FGF14: variants seen among roughly 807,000 people sequenced by gnomAD.
The protein encoded by FGF14 is fibroblast growth factor 14.
A neutral mutation model predicts 25.5 loss-of-function variants in FGF14; 5 were observed. The ratio of observed to expected loss-of-function variants is 0.20; its 90% confidence interval spans 0.10 to 0.41. The LOEUF (loss-of-function observed/expected upper bound fraction) is 0.41. Ranked by LOEUF, FGF14 falls within the 10% of genes least tolerant of loss-of-function variation. FGF14 has a pLI of 1.00. For synonymous variants in FGF14, 138 were observed against 118.3 expected (o/e 1.17, Z -1.08); for missense variants, 222 against 320.1 (o/e 0.69, Z 2.34).
At chr13:102,161,565 TGAAGAAAGAA>T (rs2047634028) in intron 1 of FGF14, among the ~76,000 whole-genome samples, 2 of 97,926 alleles carry the variant, frequency 2.0e-5, no homozygotes, top group African/African-American at 6.5e-5. Context: ...CAACTTTCTG[TGAAGAAAGAA>T]AGAAGAAGAA....
At chr13:101,934,916 A>T (rs978772030) in intron 1 of FGF14, among the ~76,000 whole-genome samples, 1 of 152,152 alleles carries the variant, frequency 6.6e-6, no homozygotes, top group African/African-American at 2.4e-5. Context: ...TATGAGATGT[A>T]CCCTCTTAAC....
chr13:101,948,356 G>A (rs2035941334), intron 1 of FGF14, among the ~76,000 whole-genome samples: 1 of 152,012 alleles, frequency 6.6e-6, no homozygotes, highest in African/African-American at 2.4e-5. Flanking sequence ...AAAGACAGAA[G>A]AGAAAGAGGG....
At position 102,098,655 on chromosome 13, in the gene FGF14, C is replaced by A. The variant is rs536265202; in HGVS notation, c.209-223359G>T. Among the ~76,000 whole-genome samples, 22 of 152,234 alleles carry A rather than the reference C, an allele frequency of 1.4e-4. No homozygotes were observed. In the South Asian group the frequency reaches 4.2e-3, roughly 29 times the overall value. The stretch of plus-strand genomic sequence containing the variant: ...AAAATGTTATTAGAAATGGCTGAGA[C>A]TAGAGGAGGTCAGAACTGGGATGAA... On this transcript the variant is annotated intron_variant, in intron 1 of 4. Transcript: ENST00000376131.
chr13:102,350,160 G>C lies in FGF14; in HGVS notation c.208+51311C>G, dbSNP rs373507671. 1.2e-4 allele frequency among the ~76,000 whole-genome samples: 19 copies of C among 152,208 alleles called. No individual in the cohort carries two copies. In the East Asian group the frequency reaches 2.1e-3, roughly 17 times the overall value. On this transcript the variant is annotated intron_variant, in intron 1 of 4. Coordinates refer to the FGF14 transcript ENST00000376131. ...AATTTAACCTCAAAAATTCAGCCAG[G>C]AGTTTGACATCAATCTGAGCAACAT...
chr13:102,041,894 T>C (rs1190387757), intron 1 of FGF14, among the ~76,000 whole-genome samples: 1 of 152,174 alleles, frequency 6.6e-6, no homozygotes, highest in East Asian at 1.9e-4. Context: ...AAGTCTCTAA[T>C]TTCCTTCACA....
chr13:102,186,009 G>A (rs1332239589), intron 1 of FGF14, among the ~76,000 whole-genome samples: 2 of 152,076 alleles, frequency 1.3e-5, no homozygotes, highest in Non-Finnish European at 2.9e-5. Context: ...TAATAGATCT[G>A]GTGACCCAGT....
Position 102,052,333 on chromosome 13 carries a change from A to T in FGF14, c.209-177037T>A, listed in dbSNP as rs566699319. Reference sequence around the variant, plus strand: ...GATAAAAAGCTGGAAAGTTTATTTTAAAAAAATAGCAAAAACTTTCCAAAT... The same window carrying T: ...GATAAAAAGCTGGAAAGTTTATTTTTAAAAAATAGCAAAAACTTTCCAAAT... On this transcript the variant is annotated intron_variant, in intron 1 of 4. Transcript: ENST00000376131. Among the ~76,000 whole-genome samples the T allele has an allele frequency of 1.9e-3, 284 of 152,178 alleles. 3 individuals are homozygous for T. The highest frequency in any genetic ancestry group is 6.3e-3 in the African/African-American group (262 of 41,564).
chr13:102,384,934 T>C (rs2058266547), intron 1 of FGF14, among the ~76,000 whole-genome samples: 1 of 152,212 alleles, frequency 6.6e-6, no homozygotes, highest in South Asian at 2.1e-4. Flanking sequence ...CCAGAGATTT[T>C]CACCTTTTGT....
intron 3 of FGF14, among the ~76,000 whole-genome samples, chr13:101,797,782 T>TGTA (rs2040635579): frequency 6.9e-6 from 1 of 145,158 alleles, no homozygotes; most frequent in African/African-American, 2.6e-5. Context: ...TGTGTGTGTG[T>TGTA]TCAACCTCAG....
intron 1 of FGF14, among the ~76,000 whole-genome samples, chr13:102,358,616 C>A (rs931752563): frequency 5.3e-5 from 8 of 152,290 alleles, no homozygotes; most frequent in African/African-American, 1.9e-4. Flanking sequence ...CACCTGAAAA[C>A]ACAATATAGT....
At chr13:102,351,343 C>T (rs1222495382) in intron 1 of FGF14, among the ~76,000 whole-genome samples, 2 of 151,802 alleles carry the variant, frequency 1.3e-5, no homozygotes, top group Admixed American at 1.3e-4. Context: ...GCTTTCTTTC[C>T]CCTCGAACAT....
intron 1 of FGF14, among the ~76,000 whole-genome samples, chr13:101,962,872 G>A (rs180871819): frequency 4.9e-4 from 74 of 152,270 alleles, no homozygotes; most frequent in African/African-American, 1.7e-3. Flanking sequence ...GTCCTTTGCC[G>A]TGAAGATTAA....
intron 1 of FGF14, among the ~76,000 whole-genome samples, chr13:102,373,160 T>C (rs1047046282): frequency 2.6e-5 from 4 of 152,182 alleles, no homozygotes; most frequent in African/African-American, 7.2e-5. Flanking sequence ...TAAGCAAGAA[T>C]ACAGGCTTGC....
chr13:101,754,936 T>G (rs2139863815), intron 3 of FGF14, among the ~76,000 whole-genome samples: 1 of 152,254 alleles, frequency 6.6e-6, no homozygotes, highest in East Asian at 1.9e-4. Flanking sequence ...AGAATACACT[T>G]CCTAACAGAA....
intron 1 of FGF14, among the ~76,000 whole-genome samples, chr13:102,227,405 C>T (rs1291854689): frequency 2.0e-5 from 3 of 152,082 alleles, no homozygotes; most frequent in Non-Finnish European, 4.4e-5. Flanking sequence ...GGGGCACTTG[C>T]CTTTATTCTA....
chr13:101,773,888 G>T (rs182810203), intron 3 of FGF14, among the ~76,000 whole-genome samples: 186 of 148,046 alleles, frequency 1.3e-3, no homozygotes, highest in African/African-American at 4.2e-3. Context: ...GCTAGAAGGG[G>T]GGCACCATTC....
intron 1 of FGF14, among the ~76,000 whole-genome samples, chr13:102,315,185 A>C (rs2055962236): frequency 6.6e-6 from 1 of 152,078 alleles, no homozygotes; most frequent in Non-Finnish European, 1.5e-5. Flanking sequence ...AAATCGGTCA[A>C]AGAAATGAGT....
chr13:101,802,695 A>G (rs1594302949), intron 3 of FGF14, among the ~76,000 whole-genome samples: 1 of 152,196 alleles, frequency 6.6e-6, no homozygotes, highest in Non-Finnish European at 1.5e-5. Flanking sequence ...TTTAAAAATA[A>G]AAAGGCAATC....
intron 1 of FGF14, among the ~76,000 whole-genome samples, chr13:102,297,664 T>C (rs770425152): frequency 6.6e-6 from 1 of 151,632 alleles, no homozygotes; most frequent in Admixed American, 6.6e-5. Flanking sequence ...GGCAGGAGGA[T>C]TGCTTTAGCC....
Sources: allele counts gnomAD v4.1 joint callset (sites outside exome capture counted in the v4.1 genomes callset), GRCh38; gene constraint gnomAD v4.1.1; transcripts MANE v1.5; gene names NCBI Gene and HGNC (gene_info 2026-07-23, HGNC 2026-07-21).